Variants in SRGAP1 observed in about 807,000 individuals in gnomAD.
The protein encoded by SRGAP1 is SLIT-ROBO Rho GTPase-activating protein 1.
Under a neutral mutation model 121.9 loss-of-function variants are expected in SRGAP1, and 43 were observed. The ratio of observed to expected loss-of-function variants is 0.35; its 90% CI spans 0.28 to 0.46. The LOEUF is 0.46. Ranked by LOEUF, SRGAP1 falls within the 20% of genes least tolerant of loss-of-function variation. The pLI, the probability that SRGAP1 is intolerant of heterozygous loss-of-function variation, is 1.00. For synonymous variants in SRGAP1, 447 were observed against 485.4 expected, an observed-to-expected ratio of 0.92 and a Z score of 1.04; for missense variants, 1,102 against 1,350.9, an observed-to-expected ratio of 0.82 and a Z score of 2.89.
chr12:64,090,789 A>G (rs954182695), intron 11 of SRGAP1, among the ~76,000 whole-genome samples: 1 of 152,176 alleles, frequency 6.6e-6, no homozygotes, highest in Non-Finnish European at 1.5e-5. Flanking sequence ...GCAGTGAGCC[A>G]TGATCATTCC....
chr12:63,911,066 G>A (rs2030470539), intron 1 of SRGAP1, among the ~76,000 whole-genome samples: 1 of 152,104 alleles, frequency 6.6e-6, no homozygotes, highest in Non-Finnish European at 1.5e-5. Flanking sequence ...TTGGGAGGCC[G>A]AGGCTGGTGG....
At chr12:64,013,105 T>C (rs2136458746) in intron 3 of SRGAP1, among the ~76,000 whole-genome samples, 1 of 152,312 alleles carries the variant, frequency 6.6e-6, no homozygotes, top group African/African-American at 2.4e-5. Context: ...TTCAGTTCAT[T>C]AGCCTAGTAA....
chr12:63,902,040 T>C (rs749736224), intron 1 of SRGAP1, among the ~76,000 whole-genome samples: 1 of 152,000 alleles, frequency 6.6e-6, no homozygotes, highest in Non-Finnish European at 1.5e-5. Context: ...GGCTGGGGAG[T>C]GTGGTGGCTC....
intron 1 of SRGAP1, among the ~76,000 whole-genome samples, chr12:63,850,041 A>G (rs1188288534): frequency 1.3e-5 from 2 of 152,190 alleles, no homozygotes; most frequent in Admixed American, 1.3e-4. Flanking sequence ...TTTTTTCACC[A>G]GGACCATTTT....
At chr12:63,963,949 TTG>T (rs1482562059) in intron 1 of SRGAP1, among the ~76,000 whole-genome samples, 2 of 152,138 alleles carry the variant, frequency 1.3e-5, no homozygotes, top group African/African-American at 4.8e-5. Context: ...CAGAGTAAGG[TTG>T]TTTTATTTGT....
At chr12:64,117,507 A>C (rs2036541659) in intron 18 of SRGAP1, among the ~76,000 whole-genome samples, 1 of 152,212 alleles carries the variant, frequency 6.6e-6, no homozygotes, top group African/African-American at 2.4e-5. Context: ...TCTTAATTTT[A>C]AAGTAGTTAA....
rs1332060256 is a variant in SRGAP1, at chr12:63,844,920, G to T, written c.67+37G>T. ...AGCGGCTGCCTTGCTCCTTTTGTGTGCCTTCTTGTCATTGTGCTCGTGGAG... is the reference window on the plus strand; with the variant it reads ...AGCGGCTGCCTTGCTCCTTTTGTGTTCCTTCTTGTCATTGTGCTCGTGGAG... On this transcript the variant is annotated intron_variant, in intron 1 of 21. Transcript: ENST00000355086. The surrounding 1 kb of genome is among the most constrained non-coding windows in gnomAD (Gnocchi z 4.3). 6.3e-7 allele frequency: 1 copy of T among 1,590,398 alleles called. No individual in the cohort carries two copies. The highest frequency in any genetic ancestry group is 8.6e-7 in the Non-Finnish European group (1 of 1,158,486).
chr12:64,127,755 G>T, intron 20 of SRGAP1, 31 bp downstream of exon 20: 4 of 1,611,782 alleles, frequency 2.5e-6, no homozygotes, highest in Non-Finnish European at 8.5e-7. Context: ...AGGCCCCTAA[G>T]CCTCCGCTCC....
At chr12:64,077,040 T>C (rs2035751145) in intron 8 of SRGAP1, among the ~76,000 whole-genome samples, 1 of 152,078 alleles carries the variant, frequency 6.6e-6, no homozygotes, top group Admixed American at 6.6e-5. Context: ...ATTCAAGCAG[T>C]CCAAGAAATT....
chr12:63,918,591 A>AT lies in SRGAP1; in HGVS notation c.68-65350dup, dbSNP rs558455815. On this transcript the variant is annotated intron_variant, in intron 1 of 21. Transcript: ENST00000355086. The stretch of plus-strand genomic sequence containing the variant: ...GCCACCATGCCCAGTTAATTTGTGT[A>AT]TTTTTTGTAGAGATGAAGTTTTACC... 1.1e-4 allele frequency among the ~76,000 whole-genome samples: 16 copies of AT among 152,138 alleles called. No homozygotes were observed. The South Asian group carries it at 2.7e-3, about 26-fold the overall frequency.
chr12:64,111,849 A>G lies in SRGAP1; in HGVS notation c.2007A>G (p.Ile669Met). 10 of 1,614,112 alleles carry G rather than the reference A, an allele frequency of 6.2e-6. No homozygotes were observed. Among genetic ancestry groups the G allele is most frequent in the Non-Finnish European group, 8.5e-6 (10 of 1,180,002 alleles). ...CAACATTGATGCCTGTCCCAGAAATACAGGATCAAGTGTCTTGCCAGGCAC... is the reference window on the plus strand; with the variant it reads ...CAACATTGATGCCTGTCCCAGAAATGCAGGATCAAGTGTCTTGCCAGGCAC... ...FGPTLMPVPEIQDQVSCQAHV... is the reference protein window; with the variant it reads ...FGPTLMPVPEMQDQVSCQAHV... The change falls in exon 17 of 22, where the codon ATA becomes ATG. Residue 669 changes from isoleucine to methionine, a missense_variant. Physicochemically the swap from Ile to Met is conservative, Grantham distance 10. Coordinates refer to ENST00000355086, the MANE Select transcript of SRGAP1 (RefSeq NM_020762.4).
In SRGAP1 at chr12:64,048,788, A is replaced by T. The variant is rs1450519938; in HGVS notation, c.801+5213A>T. 2.0e-5 allele frequency among the ~76,000 whole-genome samples: 3 copies of T among 152,066 alleles called. No individual in the cohort carries two copies. The East Asian group carries it at 5.8e-4, about 29-fold the overall frequency. On this transcript the variant is annotated intron_variant, in intron 6 of 21. Transcript: ENST00000355086. ...GTACCTTTTCATATACCTGTTTGCC[A>T]TTTGTATGTCATCTTTTGAGATATC...
chr12:63,907,980 C>T (rs985865550), intron 1 of SRGAP1, among the ~76,000 whole-genome samples: 3 of 152,074 alleles, frequency 2.0e-5, no homozygotes, highest in South Asian at 2.1e-4. Flanking sequence ...ATTGAATTAT[C>T]GTGCTATCCC....
intron 15 of SRGAP1, among the ~76,000 whole-genome samples, chr12:64,104,377 A>C (rs1443893031): frequency 1.3e-5 from 2 of 152,200 alleles, no homozygotes; most frequent in Non-Finnish European, 2.9e-5. Flanking sequence ...AATTGTGGAA[A>C]ACAAAGCCCA....
chr12:64,031,955 T>G (rs924949509), intron 4 of SRGAP1, among the ~76,000 whole-genome samples: 1 of 152,068 alleles, frequency 6.6e-6, no homozygotes, highest in Non-Finnish European at 1.5e-5. Flanking sequence ...AAAATCCAGG[T>G]TTGTTGTTCA....
At chr12:63,931,273 GTTC>G (rs940947680) in intron 1 of SRGAP1, among the ~76,000 whole-genome samples, 4 of 152,118 alleles carry the variant, frequency 2.6e-5, no homozygotes, top group Non-Finnish European at 5.9e-5. Flanking sequence ...TTTCCCTGCT[GTTC>G]TTCTTTTCTC....
intron 3 of SRGAP1, among the ~76,000 whole-genome samples, chr12:63,998,186 A>G (rs1189383286): frequency 6.6e-6 from 1 of 152,180 alleles, no homozygotes; most frequent in East Asian, 1.9e-4. Context: ...CATGTTGTTC[A>G]CTGAAACAAT....
In SRGAP1 at chr12:63,908,166, A is replaced by AT. The variant is rs553195857; in HGVS notation, c.67+63295dup. ...GTCCTTTAACTTTGTTCTTTTCAAGATTTTTTTTTTTTGCTATCCTAGATT... is the reference window on the plus strand; with the variant it reads ...GTCCTTTAACTTTGTTCTTTTCAAGATTTTTTTTTTTTTGCTATCCTAGATT... On this transcript the variant is annotated intron_variant, in intron 1 of 21. Coordinates refer to ENST00000355086, the MANE Select transcript of SRGAP1 (RefSeq NM_020762.4). Among the ~76,000 whole-genome samples the AT allele has an allele frequency of 9.0e-3, 1,301 of 145,276 alleles. 6 individuals carry two copies. Among genetic ancestry groups the AT allele is most frequent in the African/African-American group, 0.026 (1,028 of 39,910 alleles).
At chr12:64,072,995 C>A (rs1053896770) in intron 8 of SRGAP1, among the ~76,000 whole-genome samples, 14 of 152,208 alleles carry the variant, frequency 9.2e-5, no homozygotes, top group Admixed American at 4.6e-4. Context: ...TTTGTCAAAT[C>A]TTTGGCCTCT....
Sources: gnomAD v4.1 joint callset for allele counts (sites outside exome capture counted in the v4.1 genomes callset) on GRCh38, gnomAD v4.1.1 for gene constraint, Gnocchi (gnomAD v3.1) non-coding constraint, MANE v1.5 for transcripts, NCBI Gene and HGNC (gene_info 2026-07-23, HGNC 2026-07-21) for gene names.